Variants in SHISA9 observed in about 807,000 individuals in gnomAD.
SHISA9 encodes the protein shisa family member 9.
SHISA9 carries 13 observed loss-of-function variants against 38.0 expected under a neutral mutation model. The ratio of observed to expected loss-of-function variants is 0.34; its 90% CI spans 0.22 to 0.54. SHISA9 has a LOEUF of 0.54. Among genes scored for constraint, SHISA9 ranks in the 20% least tolerant of loss-of-function variants. The pLI, the probability that SHISA9 is intolerant of heterozygous loss-of-function variation, is 0.91. For missense variants in SHISA9, 538 were observed against 575.8 expected, an observed-to-expected ratio of 0.93 and a Z score of 0.67; for synonymous variants, 275 against 242.0, an observed-to-expected ratio of 1.14 and a Z score of -1.27.
intron 2 of SHISA9, among the ~76,000 whole-genome samples, chr16:13,172,011 T>C (rs2050690933): frequency 6.6e-6 from 1 of 152,126 alleles, no homozygotes; most frequent in Non-Finnish European, 1.5e-5. Context: ...GCTGGATGTA[T>C]ACAAGGCAAT....
chr16:13,389,707 T>C, the SHISA9 span, among the ~76,000 whole-genome samples: 1 of 152,178 alleles, frequency 6.6e-6, no homozygotes, highest in Admixed American at 6.5e-5. Flanking sequence ...CTCACAATGA[T>C]GTACTCCAAA....
chr16:13,126,169 C>T (rs189495731), intron 2 of SHISA9, among the ~76,000 whole-genome samples: 2 of 152,258 alleles, frequency 1.3e-5, no homozygotes, highest in Admixed American at 1.3e-4. Flanking sequence ...GTGCATAGAT[C>T]AGTTTGCACA....
At chr16:12,935,363 T>C (rs2071515435) in intron 2 of SHISA9, among the ~76,000 whole-genome samples, 1 of 152,210 alleles carries the variant, frequency 6.6e-6, no homozygotes, top group African/African-American at 2.4e-5. Flanking sequence ...AACATCTAGA[T>C]GCTGCTGATG....
intron 2 of SHISA9, among the ~76,000 whole-genome samples, chr16:12,917,887 T>A (rs1192186628): frequency 6.6e-6 from 1 of 152,206 alleles, no homozygotes; most frequent in African/African-American, 2.4e-5. Context: ...TTGGACTGTT[T>A]GGTTGCAAAT....
chr16:13,106,590 T>G (rs1244937077), intron 2 of SHISA9, among the ~76,000 whole-genome samples: 1 of 152,160 alleles, frequency 6.6e-6, no homozygotes, highest in African/African-American at 2.4e-5. Flanking sequence ...TAGATAGGGT[T>G]TACCTTAATC....
intron 2 of SHISA9, among the ~76,000 whole-genome samples, chr16:13,137,173 G>A (rs572704659): frequency 2.0e-5 from 3 of 152,234 alleles, no homozygotes; most frequent in South Asian, 2.1e-4. Flanking sequence ...TTCTGTATCT[G>A]GCCAGATGGA....
At chr16:13,481,286 T>G in the SHISA9 span, among the ~76,000 whole-genome samples, 50,489 of 147,630 alleles carry the variant, frequency 0.34, 8,563 homozygotes, top group African/African-American at 0.38. Context: ...ATCACCCAAG[T>G]ATTTATCATA....
In SHISA9 at chr16:13,146,404, G is replaced by A. The variant is rs140998058; in HGVS notation, c.692-56990G>A. The stretch of plus-strand genomic sequence containing the variant: ...TTAATTTTTGTGAGTACATGTAGGT[G>A]TATTTATTTATGGGGTACATGAGTG... On this transcript the variant is annotated intron_variant, in intron 2 of 4. Transcript: ENST00000558583. Among the ~76,000 whole-genome samples the A allele has an allele frequency of 8.0e-4, 122 of 152,194 alleles. 3 individuals carry two copies. In the East Asian group the frequency reaches 0.022, roughly 28 times the overall value.
the SHISA9 span, among the ~76,000 whole-genome samples, chr16:13,260,280 T>C: frequency 1.3e-5 from 2 of 152,022 alleles, no homozygotes; most frequent in Admixed American, 6.5e-5. Flanking sequence ...CTTCCCAAAG[T>C]GCTGGGATTA....
At chr16:12,927,709 G>GT (rs986452723) in intron 2 of SHISA9, among the ~76,000 whole-genome samples, 6 of 151,808 alleles carry the variant, frequency 4.0e-5, no homozygotes, top group Admixed American at 3.3e-4. Context: ...ATGACTGCCT[G>GT]TTTTTTACTT....
the SHISA9 span, among the ~76,000 whole-genome samples, chr16:13,440,714 G>A: frequency 8.5e-5 from 13 of 152,120 alleles, no homozygotes; most frequent in Admixed American, 8.5e-4. Flanking sequence ...GGATCACGAG[G>A]AAATCGAGAC....
chr16:13,309,457 A>G, the SHISA9 span, among the ~76,000 whole-genome samples: 1 of 152,020 alleles, frequency 6.6e-6, no homozygotes, highest in Non-Finnish European at 1.5e-5. Flanking sequence ...ACCCTGGCCA[A>G]TATGGTGAAA....
the SHISA9 span, among the ~76,000 whole-genome samples, chr16:13,306,554 G>T: frequency 1.2e-3 from 177 of 152,294 alleles, no homozygotes; most frequent in African/African-American, 4.2e-3. Context: ...TCTCTCTGAA[G>T]TTGCCATCAA....
chr16:13,391,401 A>G, the SHISA9 span, among the ~76,000 whole-genome samples: 2 of 152,346 alleles, frequency 1.3e-5, no homozygotes, highest in Admixed American at 6.5e-5. Context: ...AAAAAAGGCT[A>G]AAGAAAGGGA....
the SHISA9 span, among the ~76,000 whole-genome samples, chr16:13,265,516 T>C: frequency 0.55 from 60,084 of 109,406 alleles, 16,921 homozygotes; most frequent in African/African-American, 0.66. Flanking sequence ...CCTCTTCCCT[T>C]CCCTTCTTTT....
intron 4 of SHISA9, among the ~76,000 whole-genome samples, chr16:13,222,832 G>A (rs1424185825): frequency 6.6e-5 from 10 of 151,408 alleles, no homozygotes; most frequent in African/African-American, 2.2e-4. Flanking sequence ...ACCACAAGGT[G>A]TATATCCACA....
At chr16:13,476,175 G>A in the SHISA9 span, among the ~76,000 whole-genome samples, 2 of 152,038 alleles carry the variant, frequency 1.3e-5, no homozygotes, top group African/African-American at 4.8e-5. Context: ...TTTTATCAGA[G>A]TTCCTTCCTC....
At chr16:13,178,468 T>C (rs1214015076) in intron 2 of SHISA9, among the ~76,000 whole-genome samples, 2 of 151,990 alleles carry the variant, frequency 1.3e-5, no homozygotes, top group Non-Finnish European at 2.9e-5. Context: ...TTCCAATCAC[T>C]CTCCAAGCTC....
At chr16:13,190,081 C>CTT (rs71395104) in intron 2 of SHISA9, among the ~76,000 whole-genome samples, 8 of 145,062 alleles carry the variant, frequency 5.5e-5, no homozygotes, top group South Asian at 2.2e-4. Context: ...ACCCTTTAGT[C>CTT]TTTTTTTTTT....
Sources: gnomAD v4.1 joint callset for allele counts (sites outside exome capture counted in the v4.1 genomes callset) on GRCh38, gnomAD v4.1.1 for gene constraint, MANE v1.5 for transcripts, NCBI Gene and HGNC (gene_info 2026-07-23, HGNC 2026-07-21) for gene names.